ARHGEF33: variants seen among roughly 807,000 people sequenced by gnomAD.
ARHGEF33 encodes DH and coiled-coil domain-containing protein ENSP00000381780.
ARHGEF33 carries 72 observed loss-of-function variants against 101.9 expected under a neutral mutation model. The observed-to-expected ratio is 0.71, with a 90% CI of 0.58 to 0.86. ARHGEF33 has a LOEUF of 0.86. Among genes scored for constraint, ARHGEF33 ranks in the 40% least tolerant of loss-of-function variants. The probability of loss-of-function intolerance (pLI) is 0.00; values close to 1 mark genes in which losing one functional copy is unlikely to be tolerated. For synonymous variants in ARHGEF33, 499 were observed against 442.5 expected, an observed-to-expected ratio of 1.13 and a Z score of -1.60; for missense variants, 1,169 against 1,111.3, an observed-to-expected ratio of 1.05 and a Z score of -0.74.
intron 17 of ARHGEF33, among the ~76,000 whole-genome samples, chr2:38,970,491 TC>T (rs2124433678): frequency 6.6e-6 from 1 of 152,352 alleles, no homozygotes; most frequent in Admixed American, 6.5e-5. Context: ...ATTTTCCATT[TC>T]ATTTCCTATA....
intron 2 of ARHGEF33, among the ~76,000 whole-genome samples, chr2:38,899,086 T>G (rs1340765068): frequency 6.6e-6 from 1 of 152,130 alleles, no homozygotes; most frequent in Non-Finnish European, 1.5e-5. Context: ...CTTCTGTGGT[T>G]TTTTTTAGGG....
intron 2 of ARHGEF33, among the ~76,000 whole-genome samples, chr2:38,898,166 A>T (rs1190860867): frequency 1.3e-5 from 2 of 152,226 alleles, no homozygotes; most frequent in East Asian, 1.9e-4. Flanking sequence ...AGACCACTTG[A>T]TTCTGATTTT....
intron 4 of ARHGEF33, among the ~76,000 whole-genome samples, chr2:38,928,506 C>T (rs775048946): frequency 1.3e-5 from 2 of 152,182 alleles, no homozygotes; most frequent in African/African-American, 4.8e-5. Context: ...CCTTGCCTCT[C>T]ATAATAACCA....
chr2:38,947,911 G>C (rs1224898734), intron 10 of ARHGEF33, among the ~76,000 whole-genome samples: 1 of 152,074 alleles, frequency 6.6e-6, no homozygotes, highest in African/African-American at 2.4e-5. Flanking sequence ...GAGTTATTTT[G>C]GCCTCATTCT....
chr2:38,970,684 A>G (rs1668147420), intron 17 of ARHGEF33, among the ~76,000 whole-genome samples: 1 of 152,258 alleles, frequency 6.6e-6, no homozygotes, highest in Non-Finnish European at 1.5e-5. Context: ...AGGAGCTTAC[A>G]GATCAATTTA....
intron 2 of ARHGEF33, among the ~76,000 whole-genome samples, chr2:38,918,107 G>A (rs1666675182): frequency 6.6e-6 from 1 of 152,210 alleles, no homozygotes; most frequent in African/African-American, 2.4e-5. Context: ...TCATGGAATT[G>A]CTGGGAGGCT....
At chr2:38,961,183 GCT>G (rs1667929220) in intron 16 of ARHGEF33, among the ~76,000 whole-genome samples, 2 of 152,200 alleles carry the variant, frequency 1.3e-5, no homozygotes, top group Non-Finnish European at 2.9e-5. Flanking sequence ...AGTTGCCCTA[GCT>G]CAAGGTAGAC....
At chr2:38,944,426 A>G (rs1238933444) in intron 10 of ARHGEF33, among the ~76,000 whole-genome samples, 1 of 152,158 alleles carries the variant, frequency 6.6e-6, no homozygotes, top group African/African-American at 2.4e-5. Context: ...TGTAGTGGCA[A>G]TAATCCATTC....
At chr2:38,935,519 G>A (rs573952534) in intron 7 of ARHGEF33, among the ~76,000 whole-genome samples, 1 of 152,118 alleles carries the variant, frequency 6.6e-6, no homozygotes. Context: ...AATATGCCAG[G>A]TAGAACTTCA....
At chr2:38,944,164 G>A in intron 10 of ARHGEF33, 134 bp downstream of exon 10, 1 of 868,782 alleles carries the variant, frequency 1.2e-6, no homozygotes, top group Non-Finnish European at 1.7e-6. Flanking sequence ...AAGAGGCAGT[G>A]ATGGCAGATG....
intron 2 of ARHGEF33, among the ~76,000 whole-genome samples, chr2:38,918,877 C>CAA (rs1181241601): frequency 0.024 from 1,209 of 51,156 alleles, 57 homozygotes; most frequent in Admixed American, 0.14. Context: ...CCCATCTCTA[C>CAA]AAAAAAAAAA....
intron 1 of ARHGEF33, among the ~76,000 whole-genome samples, chr2:38,894,718 A>C (rs1666082568): frequency 6.6e-6 from 1 of 152,230 alleles, no homozygotes; most frequent in Admixed American, 6.5e-5. Flanking sequence ...GAGACTTCCC[A>C]GTGGTCACTC....
At chr2:38,935,646 T>C (rs1320270410) in intron 7 of ARHGEF33, 129 bp from the exon 8 acceptor site, 3 of 599,768 alleles carry the variant, frequency 5.0e-6, no homozygotes, top group Non-Finnish European at 8.2e-6. Context: ...TGTAATTTCT[T>C]TTTTTTACTG....
At chr2:38,909,745 T>C (rs1314630473) in intron 2 of ARHGEF33, among the ~76,000 whole-genome samples, 1 of 148,948 alleles carries the variant, frequency 6.7e-6, no homozygotes, top group Non-Finnish European at 1.5e-5. Flanking sequence ...CATAGAAAGC[T>C]GCATTTTCAT....
At chr2:38,933,444 C>T (rs1667057998) in intron 7 of ARHGEF33, among the ~76,000 whole-genome samples, 1 of 151,900 alleles carries the variant, frequency 6.6e-6, no homozygotes, top group Non-Finnish European at 1.5e-5. Context: ...AGTACAATGG[C>T]GCGATCTCGG....
At chr2:38,945,536 GTTCCCCCTCC>G (rs1170214892) in intron 10 of ARHGEF33, among the ~76,000 whole-genome samples, 8 of 152,230 alleles carry the variant, frequency 5.3e-5, no homozygotes, top group Admixed American at 5.2e-4. Flanking sequence ...GGCCCTTCCA[GTTCCCCCTCC>G]TTGACCCTCC....
At chr2:38,930,816 A>C (rs997993612) in intron 6 of ARHGEF33, among the ~76,000 whole-genome samples, 1 of 152,168 alleles carries the variant, frequency 6.6e-6, no homozygotes, top group African/African-American at 2.4e-5. Flanking sequence ...ACCACTGCAA[A>C]CTCTAAAGAT....
chr2:38,929,119 G>T (rs987195688), intron 5 of ARHGEF33, 48 bp downstream of exon 5: 1 of 1,450,934 alleles, frequency 6.9e-7, no homozygotes, highest in South Asian at 1.3e-5. Context: ...TTTGGTCTCA[G>T]TAACAGCAAT....
chr2:38,967,504 C>T (rs761803156), intron 17 of ARHGEF33, among the ~76,000 whole-genome samples: 22 of 152,304 alleles, frequency 1.4e-4, no homozygotes, highest in South Asian at 8.3e-4. Flanking sequence ...CTTGACCCAG[C>T]GCCAACATCT....
Sources: gnomAD v4.1 joint callset for allele counts (sites outside exome capture counted in the v4.1 genomes callset) on GRCh38, gnomAD v4.1.1 for gene constraint, MANE v1.5 for transcripts, NCBI Gene and HGNC (gene_info 2026-07-23, HGNC 2026-07-21) for gene names.